RASGEF1C: variants seen among roughly 807,000 people sequenced by gnomAD.
RASGEF1C encodes the protein RasGEF domain family member 1C, also known as ras-GEF domain-containing family member 1C.
Under a neutral mutation model 58.1 loss-of-function variants are expected in RASGEF1C, and 27 were observed. The ratio of observed to expected loss-of-function variants is 0.46; its 90% CI spans 0.34 to 0.64. RASGEF1C has a LOEUF of 0.64. Ranked by LOEUF, RASGEF1C falls within the 30% of genes least tolerant of loss-of-function variation. The pLI is 0.01. For synonymous variants in RASGEF1C, 243 were observed against 246.3 expected, an observed-to-expected ratio of 0.99 and a Z score of 0.13; for missense variants, 502 against 605.1, an observed-to-expected ratio of 0.83 and a Z score of 1.79.
intron 1 of RASGEF1C, among the ~76,000 whole-genome samples, chr5:180,180,891 C>T (rs902959952): frequency 6.6e-6 from 1 of 152,234 alleles, no homozygotes; most frequent in Non-Finnish European, 1.5e-5. Context: ...ACCCACTAAC[C>T]CTTTAATTTC....
rs1321760627 is a variant in RASGEF1C, at chr5:180,209,097, G to C, written c.-76C>G. The C allele has an allele frequency of 7.0e-6, 1 of 143,154 alleles. No homozygotes were observed. Among genetic ancestry groups the C allele is most frequent in the Non-Finnish European group, 1.5e-5 (1 of 64,946 alleles). The allele number at this position is 143,154 out of a possible 1,614,324, so 8.9% of individuals were successfully genotyped here. A position where few individuals can be genotyped will look rare whatever the true frequency, so the allele number is the denominator to read the frequency against. On this transcript the variant is annotated 5_prime_UTR_variant, in exon 1 of 14. Coordinates refer to ENST00000361132, the MANE Select transcript of RASGEF1C (RefSeq NM_175062.4). ...TCCCGGTGCGAGCCTCGGCGCCGCG[G>C]ACCGGGGCGCCGCCCGCCGCCGCCG...
intron 1 of RASGEF1C, among the ~76,000 whole-genome samples, chr5:180,172,136 G>A (rs747451701): frequency 2.0e-5 from 3 of 152,210 alleles, no homozygotes; most frequent in East Asian, 1.9e-4. Context: ...TACCCTGTCC[G>A]ATTCACCTAA....
At position 180,136,218 on chromosome 5, in the gene RASGEF1C, G is replaced by A. The variant is rs538306078; in HGVS notation, c.438+160C>T. ...CAGACTCCGCGTTCCCTCCCAGCTC[G>A]GCAGTGCCTGATTCCTTGATAGGCC... On this transcript the variant is annotated intron_variant, in intron 4 of 13. Coordinates refer to ENST00000361132, the MANE Select transcript of RASGEF1C (RefSeq NM_175062.4). Among the ~76,000 whole-genome samples, 7 of 152,254 alleles carry A rather than the reference G, an allele frequency of 4.6e-5. No individual in the cohort carries two copies. The East Asian group carries it at 1.3e-3, about 29-fold the overall frequency.
At position 180,137,874 on chromosome 5, in the gene RASGEF1C, A is replaced by G. The variant is rs1561740480; in HGVS notation, c.177+2T>C. ...CTCCTGCCCGCTGGGTGGATCACCC[A>G]CCTCGGGGTAGTAGTCGGCTGTGGG... is the stretch of plus-strand genomic sequence containing the variant. On this transcript the variant is annotated splice_donor_variant, in intron 2 of 13. Transcript: ENST00000361132. LOFTEE classifies it high-confidence loss of function. This position sits in a 1 kb window ranked among gnomAD's most constrained non-coding sequence, Gnocchi z 4.1. The G allele has an allele frequency of 6.2e-7, 1 of 1,611,412 alleles. No individual in the cohort carries two copies. The highest frequency in any genetic ancestry group is 8.5e-7 in the Non-Finnish European group (1 of 1,179,270).
Position 180,153,500 on chromosome 5 carries a change from C to G in RASGEF1C, c.-6-15442G>C, listed in dbSNP as rs371853679. Among the ~76,000 whole-genome samples the G allele has an allele frequency of 3.9e-5, 6 of 152,226 alleles. No homozygotes were observed. The East Asian group carries it at 9.6e-4, about 24-fold the overall frequency. On this transcript the variant is annotated intron_variant, in intron 1 of 13. Transcript: ENST00000361132. ...AGAATTTCAAAATAGTCATATCAGA[C>G]AGATTCTGCCAGTTCATTTGTCATC...
intron 1 of RASGEF1C, among the ~76,000 whole-genome samples, chr5:180,192,242 G>A (rs377626792): frequency 7.2e-5 from 11 of 152,232 alleles, no homozygotes; most frequent in African/African-American, 2.6e-4. Flanking sequence ...GGGAATCTTG[G>A]GGCCACGTTG....
intron 1 of RASGEF1C, among the ~76,000 whole-genome samples, chr5:180,181,900 T>C (rs1210252022): frequency 6.6e-6 from 1 of 152,120 alleles, no homozygotes; most frequent in Admixed American, 6.5e-5. Context: ...GTGGTCTCGC[T>C]GACTTCAAGA....
intron 11 of RASGEF1C, among the ~76,000 whole-genome samples, chr5:180,113,901 C>T (rs1180080693): frequency 2.0e-5 from 3 of 151,924 alleles, no homozygotes; most frequent in Non-Finnish European, 4.4e-5. Flanking sequence ...GGATGCCCAG[C>T]CTGCTGTGCT....
Position 180,137,246 on chromosome 5 carries a change from G to A in RASGEF1C, c.300+344C>T, listed in dbSNP as rs917486131. On this transcript the variant is annotated intron_variant, in intron 3 of 13. Coordinates refer to ENST00000361132, the MANE Select transcript of RASGEF1C (RefSeq NM_175062.4). This position sits in a 1 kb window ranked among gnomAD's most constrained non-coding sequence, Gnocchi z 4.1. ...GCAATAGAGGCAGCCCGCAGGACCC[G>A]GCCAGGACTGGGAAGGTGGAGCGGA... Among the ~76,000 whole-genome samples the A allele has an allele frequency of 1.3e-5, 2 of 152,184 alleles. No homozygotes were observed. The highest frequency in any genetic ancestry group is 2.9e-5 in the Non-Finnish European group (2 of 68,036).
At chr5:180,149,974 T>C (rs1581108451) in intron 1 of RASGEF1C, among the ~76,000 whole-genome samples, 1 of 152,188 alleles carries the variant, frequency 6.6e-6, no homozygotes, top group Admixed American at 6.5e-5. Context: ...TCTATACCTT[T>C]CTCTCCCTTC....
chr5:180,136,635 C>T, intron 3 of RASGEF1C, 120 bp from the exon 4 acceptor site: 3 of 1,093,334 alleles, frequency 2.7e-6, no homozygotes, highest in Non-Finnish European at 3.9e-6. Flanking sequence ...CCTCTCTGTG[C>T]CAGGGAGGAG....
intron 4 of RASGEF1C, among the ~76,000 whole-genome samples, chr5:180,135,045 A>C (rs904821176): frequency 0.041 from 4,822 of 116,886 alleles, no homozygotes; most frequent in Non-Finnish European, 0.054. Context: ...CGCTGTCCCC[A>C]CCCCCCCCGT....
intron 1 of RASGEF1C, among the ~76,000 whole-genome samples, chr5:180,181,729 C>T (rs1049980804): frequency 4.6e-5 from 7 of 152,196 alleles, no homozygotes; most frequent in Admixed American, 2.6e-4. Context: ...AACACATTTC[C>T]GTTGTTTTAA....
chr5:180,137,790 C>T lies in RASGEF1C; in HGVS notation c.178-78G>A, dbSNP rs1766509240. ...CATGCTTCCCAGCTGGCCCTGTACC[C>T]TGGCCCAAGGTCACGCCCAACCCTG... On this transcript the variant is annotated intron_variant, in intron 2 of 13. Transcript: ENST00000361132. The surrounding 1 kb of genome is among the most constrained non-coding windows in gnomAD (Gnocchi z 4.1). The T allele has an allele frequency of 6.2e-6, 10 of 1,604,516 alleles. No homozygotes were observed. The highest frequency in any genetic ancestry group is 1.3e-5 in the African/African-American group (1 of 74,972).
At chr5:180,136,723 G>A (rs895216116) in intron 3 of RASGEF1C, 1 of 583,372 alleles carries the variant, frequency 1.7e-6, no homozygotes, top group Admixed American at 3.1e-5. Context: ...GCCATCTCTT[G>A]CTCTGGCCTT....
intron 7 of RASGEF1C, 69 bp downstream of exon 7, chr5:180,120,991 C>T (rs576457768): frequency 3.4e-4 from 369 of 1,100,120 alleles, no homozygotes; most frequent in East Asian, 9.2e-4. Flanking sequence ...TTCCTTCCCC[C>T]GTGGGCTCCT....
rs1766501654 is a variant in RASGEF1C, at chr5:180,137,470, G to C, written c.300+120C>G. The C allele has an allele frequency of 3.6e-6, 5 of 1,395,690 alleles. No individual in the cohort carries two copies. Among genetic ancestry groups the C allele is most frequent in the Non-Finnish European group, 4.9e-6 (5 of 1,022,132 alleles). The allele number at this position is 1,395,690 out of a possible 1,614,324, so 86.5% of individuals were successfully genotyped here. ...GCCTCAGACAAGGTGGAAACACCCG[G>C]TAGCCACCTTGTCAGGAAAACGGGG... On this transcript the variant is annotated intron_variant, in intron 3 of 13. Transcript: ENST00000361132. This position sits in a 1 kb window ranked among gnomAD's most constrained non-coding sequence, Gnocchi z 4.1.
rs184787328 is a variant in RASGEF1C at position 180,148,307 on chromosome 5, T to C, written c.-6-10249A>G. On this transcript the variant is annotated intron_variant, in intron 1 of 13. Transcript: ENST00000361132. ...TTAAAAAATCCATTCTGCCAATCTT[T>C]GTCTTTTGACTAGAGAGTGTAATCT... is the stretch of plus-strand genomic sequence containing the variant. 1.1e-3 allele frequency among the ~76,000 whole-genome samples: 170 copies of C among 152,332 alleles called. 1 individual carries two copies. Among genetic ancestry groups the C allele is most frequent in the African/African-American group, 4.0e-3 (165 of 41,584 alleles).
At chr5:180,196,771 G>A (rs1165784671) in intron 1 of RASGEF1C, among the ~76,000 whole-genome samples, 5 of 152,024 alleles carry the variant, frequency 3.3e-5, no homozygotes, top group East Asian at 1.9e-4. Context: ...TCATGCTGGC[G>A]GGCAATCAAC....
Sources: gnomAD v4.1 joint callset for allele counts (sites outside exome capture counted in the v4.1 genomes callset) on GRCh38, gnomAD v4.1.1 for gene constraint, Gnocchi (gnomAD v3.1) non-coding constraint, MANE v1.5 for transcripts, NCBI Gene and HGNC (gene_info 2026-07-23, HGNC 2026-07-21) for gene names.